REEP1: variants seen among roughly 807,000 people sequenced by gnomAD.
REEP1 encodes receptor accessory protein 1.
A neutral mutation model predicts 40.3 loss-of-function variants in REEP1; 22 were observed. The ratio of observed to expected loss-of-function variants is 0.55; its 90% CI spans 0.39 to 0.78. The LOEUF is 0.78. Among genes scored for constraint, REEP1 ranks in the 30% least tolerant of loss-of-function variants. The pLI is 0.00. For missense variants in REEP1, 280 were observed against 361.1 expected (o/e 0.78, Z 1.82); for synonymous variants, 116 against 139.2 (o/e 0.83, Z 1.17).
At chr2:86,278,247 A>C (rs1017251464) in intron 2 of REEP1, among the ~76,000 whole-genome samples, 30 of 152,174 alleles carry the variant, frequency 2.0e-4, no homozygotes, top group Admixed American at 1.9e-3. Flanking sequence ...CTCCTTTCTA[A>C]GTATAGATTT....
At chr2:86,270,282 C>T (rs965317164) in intron 2 of REEP1, among the ~76,000 whole-genome samples, 130 of 152,216 alleles carry the variant, frequency 8.5e-4, no homozygotes, top group African/African-American at 2.9e-3. Context: ...CCGTAACCTC[C>T]TCCTCCCAGG....
intron 1 of REEP1, among the ~76,000 whole-genome samples, chr2:86,311,667 T>C (rs1679770613): frequency 2.6e-5 from 4 of 152,194 alleles, no homozygotes; most frequent in Admixed American, 2.6e-4. Flanking sequence ...GGACTAACCC[T>C]AATCCAGTAT....
chr2:86,312,782 T>A (rs1359019244), intron 1 of REEP1, among the ~76,000 whole-genome samples: 1 of 152,236 alleles, frequency 6.6e-6, no homozygotes, highest in Non-Finnish European at 1.5e-5. Context: ...CAATGCAACA[T>A]CTGACATAAA....
At chr2:86,269,157 A>G (rs1329055611) in intron 2 of REEP1, among the ~76,000 whole-genome samples, 1 of 152,192 alleles carries the variant, frequency 6.6e-6, no homozygotes, top group Non-Finnish European at 1.5e-5. Flanking sequence ...TTAAAATTCA[A>G]AACCTTTTTT....
chr2:86,245,765 T>A (rs1002700354), intron 5 of REEP1, among the ~76,000 whole-genome samples: 27 of 138,010 alleles, frequency 2.0e-4, no homozygotes, highest in Non-Finnish European at 3.8e-4. Context: ...ATATACTCAA[T>A]TTTTTTTTTT....
At chr2:86,255,400 C>G (rs1333310485) in intron 3 of REEP1, among the ~76,000 whole-genome samples, 1 of 152,204 alleles carries the variant, frequency 6.6e-6, no homozygotes, top group Non-Finnish European at 1.5e-5. Flanking sequence ...AAGTCAATGG[C>G]AGGCAAACAG....
At chr2:86,319,048 GC>G (rs1680161201) in intron 1 of REEP1, among the ~76,000 whole-genome samples, 1 of 152,178 alleles carries the variant, frequency 6.6e-6, no homozygotes, top group Non-Finnish European at 1.5e-5. Context: ...TAAATTAAGG[GC>G]GCTTGCTAAC....
rs979341123 is a variant in REEP1, at chr2:86,215,598, C to G, written c.*1441G>C. 6.6e-6 allele frequency: 1 copy of G among 152,584 alleles called. No homozygotes were observed. The highest frequency in any genetic ancestry group is 1.9e-4 in the East Asian group (1 of 5,196). The allele number at this position is 152,584 out of a possible 1,614,324, so 9.5% of individuals were successfully genotyped here. A position where few individuals can be genotyped will look rare whatever the true frequency, so the allele number is the denominator to read the frequency against. On this transcript the variant is annotated 3_prime_UTR_variant, in exon 9 of 9. Coordinates refer to ENST00000538924, the MANE Select transcript of REEP1 (RefSeq NM_001371279.1). ...TGCATGCATTACACTGAAAGAAACA[C>G]CAACTCGAAGCACAAATATATTATT...
rs192519871 is a variant in REEP1 at position 86,334,827 on chromosome 2, G to A, written c.32+2652C>T. Among the ~76,000 whole-genome samples, 305 of 152,280 alleles carry A rather than the reference G, an allele frequency of 2.0e-3. 4 individuals carry two copies. In the South Asian group the frequency reaches 0.027, roughly 13 times the overall value. On this transcript the variant is annotated intron_variant, in intron 1 of 8. Coordinates refer to ENST00000538924, the MANE Select transcript of REEP1 (RefSeq NM_001371279.1). ...ATAGGGTTCCCGGGGAGGACAGAAGGAGGGACTCATCATTGATTTAGTGCT... is the reference window on the plus strand; with the variant it reads ...ATAGGGTTCCCGGGGAGGACAGAAGAAGGGACTCATCATTGATTTAGTGCT...
intron 1 of REEP1, among the ~76,000 whole-genome samples, chr2:86,303,821 G>C (rs1186319869): frequency 1.3e-5 from 2 of 152,164 alleles, no homozygotes; most frequent in African/African-American, 4.8e-5. Context: ...AAACATGAGA[G>C]AGCATGGTGG....
intron 5 of REEP1, among the ~76,000 whole-genome samples, chr2:86,233,189 T>C (rs1230912603): frequency 1.3e-5 from 2 of 152,216 alleles, no homozygotes; most frequent in Admixed American, 6.5e-5. Flanking sequence ...AAAATCCACA[T>C]GTATCTCCAT....
chr2:86,293,069 AATTCATTCATTCATTC>A (rs10524777), intron 1 of REEP1, among the ~76,000 whole-genome samples: 1 of 150,834 alleles, frequency 6.6e-6, no homozygotes, highest in Non-Finnish European at 1.5e-5. Flanking sequence ...TAAGAGGTTA[AATTCATTCATTCATTC>A]ATTCATTCAT....
At chr2:86,247,790 C>T (rs971612141) in intron 5 of REEP1, among the ~76,000 whole-genome samples, 8 of 151,964 alleles carry the variant, frequency 5.3e-5, no homozygotes, top group Admixed American at 6.6e-5. Context: ...AGGCTAGTCT[C>T]GAACTCCTGG....
intron 1 of REEP1, among the ~76,000 whole-genome samples, chr2:86,318,456 T>C (rs1474093227): frequency 6.6e-6 from 1 of 150,756 alleles, no homozygotes; most frequent in Non-Finnish European, 1.5e-5. Context: ...TGGAGTGCAG[T>C]GGTATGATCT....
At chr2:86,325,022 T>A (rs1373766534) in intron 1 of REEP1, among the ~76,000 whole-genome samples, 1 of 152,204 alleles carries the variant, frequency 6.6e-6, no homozygotes, top group Admixed American at 6.5e-5. Context: ...TCTTTATAAA[T>A]AGTCTTTTCT....
chr2:86,275,396 C>CA (rs1291567326), intron 2 of REEP1, among the ~76,000 whole-genome samples: 1 of 152,234 alleles, frequency 6.6e-6, no homozygotes, highest in African/African-American at 2.4e-5. Flanking sequence ...TCAATGATTA[C>CA]AGAGGGACTG....
intron 5 of REEP1, among the ~76,000 whole-genome samples, chr2:86,239,200 A>T (rs1675531505): frequency 8.6e-6 from 1 of 116,056 alleles, no homozygotes; most frequent in South Asian, 3.4e-4. Context: ...GACCAATGCC[A>T]TCTAGACCAA....
intron 5 of REEP1, among the ~76,000 whole-genome samples, chr2:86,236,899 T>C (rs1248910234): frequency 1.3e-5 from 2 of 152,178 alleles, no homozygotes; most frequent in Non-Finnish European, 2.9e-5. Flanking sequence ...CACGCCTGGC[T>C]AATTTTTTGT....
intron 4 of REEP1, 125 bp downstream of exon 4, chr2:86,254,569 G>A (rs990940004): frequency 1.3e-5 from 13 of 972,388 alleles, no homozygotes; most frequent in South Asian, 8.5e-5. Flanking sequence ...CGATTAGGAG[G>A]AATGACTTGC....
Sources: gnomAD v4.1 joint callset for allele counts (sites outside exome capture counted in the v4.1 genomes callset) on GRCh38, gnomAD v4.1.1 for gene constraint, MANE v1.5 for transcripts, NCBI Gene and HGNC (gene_info 2026-07-23, HGNC 2026-07-21) for gene names.